The following FBXW7 variants were observed in gnomAD, a reference collection of about 807,000 sequenced individuals.
FBXW7 encodes the protein F-box and WD repeat domain containing 7.
FBXW7 carries 11 observed loss-of-function variants against 86.3 expected under a neutral mutation model. The observed-to-expected ratio is 0.13, with a 90% CI of 0.08 to 0.21. FBXW7 has a LOEUF of 0.21. Ranked by LOEUF, FBXW7 falls within the 10% of genes least tolerant of loss-of-function variation. FBXW7 has a pLI of 1.00. For missense variants in FBXW7, 488 were observed against 847.4 expected, an observed-to-expected ratio of 0.58 and a Z score of 5.27; for synonymous variants, 313 against 297.9, an observed-to-expected ratio of 1.05 and a Z score of -0.52.
At chr4:152,454,193 T>G (rs1423516563) in intron 2 of FBXW7, among the ~76,000 whole-genome samples, 1 of 151,990 alleles carries the variant, frequency 6.6e-6, no homozygotes, top group Admixed American at 6.6e-5. Context: ...GAACTACCCT[T>G]TGTATATAAC....
In FBXW7 at chr4:152,418,942, T is replaced by C. The variant is rs1019602020; in HGVS notation, c.-119-6413A>G. ...AAGAGGTAAATTCACATTAAAGAGA[T>C]AAATATAATTTTATTTAAAATTCAA... On this transcript the variant is annotated intron_variant, in intron 2 of 13. Coordinates refer to ENST00000281708, the MANE Select transcript of FBXW7 (RefSeq NM_001349798.2). Among the ~76,000 whole-genome samples the C allele has an allele frequency of 6.6e-5, 10 of 152,258 alleles. No homozygotes were observed. The East Asian group carries it at 1.2e-3, about 18-fold the overall frequency.
intron 2 of FBXW7, among the ~76,000 whole-genome samples, chr4:152,429,140 AG>A (rs1739649694): frequency 6.6e-6 from 1 of 152,178 alleles, no homozygotes; most frequent in Non-Finnish European, 1.5e-5. Context: ...TGTTGAGCCG[AG>A]ATCGGGTCAT....
chr4:152,434,583 T>C (rs1201582519), intron 2 of FBXW7, among the ~76,000 whole-genome samples: 1 of 152,186 alleles, frequency 6.6e-6, no homozygotes, highest in Admixed American at 6.5e-5. Flanking sequence ...ATTTACTGAC[T>C]TTTTTATAAA....
chr4:152,381,361 A>C (rs761960644), intron 4 of FBXW7, among the ~76,000 whole-genome samples: 4 of 152,126 alleles, frequency 2.6e-5, no homozygotes, highest in Non-Finnish European at 5.9e-5. Flanking sequence ...GCACAAAAAG[A>C]TAGAACCCTA....
chr4:152,484,052 G>C (rs1464904257), intron 2 of FBXW7, among the ~76,000 whole-genome samples: 3 of 152,088 alleles, frequency 2.0e-5, no homozygotes, highest in Non-Finnish European at 4.4e-5. Flanking sequence ...TTTGAATAGA[G>C]TCTACATGCA....
chr4:152,455,767 C>T (rs1742341805), intron 2 of FBXW7, among the ~76,000 whole-genome samples: 1 of 152,180 alleles, frequency 6.6e-6, no homozygotes, highest in Non-Finnish European at 1.5e-5. Context: ...CCCTTCCCTT[C>T]ATCTTCAAAG....
chr4:152,344,355 T>C (rs2676330), intron 6 of FBXW7, among the ~76,000 whole-genome samples: 81,311 of 151,912 alleles, frequency 0.54, 24,670 homozygotes, highest in Non-Finnish European at 0.7. Context: ...GTTGACCTTT[T>C]GTTGCTACAG....
intron 2 of FBXW7, among the ~76,000 whole-genome samples, chr4:152,423,787 G>A (rs530591195): frequency 2.1e-4 from 32 of 152,260 alleles, no homozygotes; most frequent in Middle Eastern, 3.4e-3. Flanking sequence ...ACTAATCTAT[G>A]GTGTTAAAAG....
At chr4:152,368,387 T>C (rs1733693610) in intron 4 of FBXW7, among the ~76,000 whole-genome samples, 1 of 152,094 alleles carries the variant, frequency 6.6e-6, no homozygotes. Flanking sequence ...TCTATGTGTG[T>C]GGGATGCCCG....
At chr4:152,452,134 A>G (rs1741963097) in intron 2 of FBXW7, among the ~76,000 whole-genome samples, 2 of 152,358 alleles carry the variant, frequency 1.3e-5, no homozygotes, top group African/African-American at 4.8e-5. Context: ...AGACTTTGTT[A>G]ATTGTGTAAA....
intron 2 of FBXW7, among the ~76,000 whole-genome samples, chr4:152,506,202 G>C (rs915927146): frequency 1.3e-5 from 2 of 152,000 alleles, no homozygotes; most frequent in Non-Finnish European, 1.5e-5. Flanking sequence ...CACGATCTCA[G>C]CTCACTGCAA....
At chr4:152,392,363 T>C (rs1488885818) in intron 4 of FBXW7, among the ~76,000 whole-genome samples, 1 of 152,136 alleles carries the variant, frequency 6.6e-6, no homozygotes, top group Admixed American at 6.6e-5. Context: ...ACTCACTTGG[T>C]AGTCCTGATG....
chr4:152,339,018 A>G (rs1730446387), intron 6 of FBXW7, among the ~76,000 whole-genome samples: 1 of 152,222 alleles, frequency 6.6e-6, no homozygotes, highest in African/African-American at 2.4e-5. Context: ...GGATATGAGG[A>G]GCTGTATTTG....
chr4:152,332,998 G>C (rs1353396320), intron 7 of FBXW7, among the ~76,000 whole-genome samples: 1 of 151,792 alleles, frequency 6.6e-6, no homozygotes, highest in Non-Finnish European at 1.5e-5. Context: ...CCTTTACTCT[G>C]TGAGCCTCAA....
At chr4:152,464,300 CA>C in intron 2 of FBXW7, among the ~76,000 whole-genome samples, 1 of 152,138 alleles carries the variant, frequency 6.6e-6, no homozygotes, top group East Asian at 1.9e-4. Flanking sequence ...GCAGAGAACC[CA>C]GCATGGAGCA....
intron 4 of FBXW7, among the ~76,000 whole-genome samples, chr4:152,387,433 C>T (rs1735617065): frequency 6.6e-6 from 1 of 152,020 alleles, no homozygotes; most frequent in African/African-American, 2.4e-5. Context: ...TTTTAGTCTT[C>T]CTAACATCAT....
At position 152,329,659 on chromosome 4, in the gene FBXW7, A is replaced by C; in HGVS notation, c.1236+13T>G. ...AATTATGACTTTGTGAAGTGTAGGAAGAGTAAACTTACTTTGCCTGTGACT... is the reference window on the plus strand; with the variant it reads ...AATTATGACTTTGTGAAGTGTAGGACGAGTAAACTTACTTTGCCTGTGACT... On this transcript the variant is annotated intron_variant, in intron 10 of 13. Coordinates refer to ENST00000281708, the MANE Select transcript of FBXW7 (RefSeq NM_001349798.2). 7.0e-7 allele frequency: 1 copy of C among 1,423,934 alleles called. No individual in the cohort carries two copies. The highest frequency in any genetic ancestry group is 1.3e-5 in the South Asian group (1 of 76,830). The allele number at this position is 1,423,934 out of a possible 1,614,324, so 88.2% of individuals were successfully genotyped here.
chr4:152,524,451 T>C (rs1474232815), intron 2 of FBXW7, among the ~76,000 whole-genome samples: 1 of 152,218 alleles, frequency 6.6e-6, no homozygotes, highest in Non-Finnish European at 1.5e-5. Flanking sequence ...TTTCCCACCC[T>C]AAAATAACAC....
At chr4:152,349,946 A>G (rs1422571096) in intron 5 of FBXW7, 96 bp downstream of exon 5, 3 of 609,674 alleles carry the variant, frequency 4.9e-6, no homozygotes, top group South Asian at 6.3e-5. Context: ...CAACCGTACT[A>G]GTAACATTAT....
Sources: allele counts gnomAD v4.1 joint callset (sites outside exome capture counted in the v4.1 genomes callset), GRCh38; gene constraint gnomAD v4.1.1; transcripts MANE v1.5; gene names NCBI Gene and HGNC (gene_info 2026-07-23, HGNC 2026-07-21).